Variants in IPO5 observed in about 807,000 individuals in gnomAD.
The protein encoded by IPO5 is importin 5, also known as importin-5.
Under a neutral mutation model 143.3 loss-of-function variants are expected in IPO5, and 18 were observed. The ratio of observed to expected loss-of-function variants is 0.13; its 90% CI spans 0.09 to 0.19. The LOEUF is 0.19. IPO5 is among the 10% of genes least tolerant of loss of function. The pLI is 1.00. For missense variants in IPO5, 1,013 were observed against 1,336.9 expected (o/e 0.76, Z 3.78); for synonymous variants, 477 against 465.7 (o/e 1.02, Z -0.31).
In IPO5 at chr13:97,991,006, A is replaced by G. The variant is rs559582712; in HGVS notation, c.669+469A>G. Among the ~76,000 whole-genome samples, 8 of 152,284 alleles carry G rather than the reference A, an allele frequency of 5.3e-5. No homozygotes were observed. The East Asian group carries it at 1.5e-3, about 29-fold the overall frequency. On this transcript the variant is annotated intron_variant, in intron 9 of 28. Transcript: ENST00000651721. ...TAATCAGAAAGCAAAATAAGATGAGACAAGATAGAGCATATATTCAGGGCA... is the reference window on the plus strand; with the variant it reads ...TAATCAGAAAGCAAAATAAGATGAGGCAAGATAGAGCATATATTCAGGGCA...
At chr13:98,005,482 C>T (rs1212936173) in intron 16 of IPO5, among the ~76,000 whole-genome samples, 1 of 151,926 alleles carries the variant, frequency 6.6e-6, no homozygotes, top group Non-Finnish European at 1.5e-5. Flanking sequence ...CCTGCCTCAG[C>T]CTCCCAGAGT....
Position 97,976,686 on chromosome 13 carries a change from C to T in IPO5, c.-4-7C>T, listed in dbSNP as rs1389225345. The T allele has an allele frequency of 1.5e-6, 2 of 1,348,830 alleles. No homozygotes were observed. Among genetic ancestry groups the T allele is most frequent in the Admixed American group, 2.3e-5 (1 of 44,298 alleles). The allele number at this position is 1,348,830 out of a possible 1,614,324, so 83.6% of individuals were successfully genotyped here. A position where few individuals can be genotyped will look rare whatever the true frequency, so the allele number is the denominator to read the frequency against. On this transcript the variant is annotated splice_region_variant and splice_polypyrimidine_tract_variant and intron_variant, in intron 3 of 28. Transcript: ENST00000651721. ...GTCTCCCCTCCCTCCTTCTCTCTCA[C>T]GCCTAGCGCAATGGCGGCGGCCGCG...
chr13:97,988,918 A>G, intron 6 of IPO5, 144 bp from the exon 7 acceptor site: 1 of 523,518 alleles, frequency 1.9e-6, no homozygotes, highest in Non-Finnish European at 3.4e-6. Flanking sequence ...AAAGGACAGA[A>G]TTTTGTGGAG....
intron 2 of IPO5, among the ~76,000 whole-genome samples, chr13:97,964,904 C>A (rs1459116197): frequency 6.6e-6 from 1 of 152,122 alleles, no homozygotes; most frequent in Non-Finnish European, 1.5e-5. Flanking sequence ...ATGTTTATTG[C>A]AGCACTATTT....
intron 3 of IPO5, among the ~76,000 whole-genome samples, chr13:97,971,615 G>A (rs574100292): frequency 1.3e-5 from 2 of 152,222 alleles, no homozygotes; most frequent in African/African-American, 4.8e-5. Flanking sequence ...ACACAAATGT[G>A]ATGCACATGA....
intron 12 of IPO5, among the ~76,000 whole-genome samples, chr13:97,998,056 A>C (rs1201512708): frequency 1.3e-5 from 2 of 152,236 alleles, no homozygotes; most frequent in Admixed American, 6.5e-5. Flanking sequence ...GCTCACCGCA[A>C]GCTCCGCCTC....
rs1234384302 is a variant in IPO5 at position 97,969,175 on chromosome 13, A to ATATATATAT, written c.-112-547_-112-546insATATATATT. Among the ~76,000 whole-genome samples the ATATATATAT allele has an allele frequency of 2.7e-3, 117 of 43,922 alleles. 2 individuals carry two copies. Among genetic ancestry groups the ATATATATAT allele is most frequent in the Non-Finnish European group, 3.7e-3 (93 of 25,122 alleles). 28.8% of individuals were successfully genotyped at this position (43,922 alleles called of 152,430 possible). A position where few individuals can be genotyped will look rare whatever the true frequency, so the allele number is the denominator to read the frequency against. ...TAAGTATATATATATATATATATAT[A>ATATATATAT]TTTTTTTTTTTTTTTTTTTTTTTTG... is the stretch of plus-strand genomic sequence containing the variant. On this transcript the variant is annotated intron_variant, in intron 2 of 28. Coordinates refer to ENST00000651721, the MANE Select transcript of IPO5 (RefSeq NM_002271.6).
At chr13:97,955,399 G>A (rs1884388608) in intron 2 of IPO5, among the ~76,000 whole-genome samples, 1 of 152,184 alleles carries the variant, frequency 6.6e-6, no homozygotes, top group African/African-American at 2.4e-5. Context: ...CAAACCAGAT[G>A]ATGAGAGCAG....
At position 98,022,539 on chromosome 13, in the gene IPO5, A is replaced by G. The variant is rs1890558842; in HGVS notation, c.*717A>G. ...GGCTTGGATTCATTTCATGTTTTTA[A>G]TATAAGAATGATCTAATATTTTTTT... On this transcript the variant is annotated 3_prime_UTR_variant, in exon 29 of 29. Coordinates refer to ENST00000651721, the MANE Select transcript of IPO5 (RefSeq NM_002271.6). 1 of 152,464 alleles carries G rather than the reference A, an allele frequency of 6.6e-6. No individual in the cohort carries two copies. The highest frequency in any genetic ancestry group is 1.5e-5 in the Non-Finnish European group (1 of 68,032). 9.4% of individuals were successfully genotyped at this position (152,464 alleles called of 1,614,324 possible).
chr13:97,975,961 T>A (rs1566470421), intron 3 of IPO5: 2 of 984,420 alleles, frequency 2.0e-6, no homozygotes, highest in Non-Finnish European at 2.4e-6. Context: ...CTGGGGGAGG[T>A]CGGAGGGTCT....
rs868319883 is a variant in IPO5 at position 97,975,253 on chromosome 13, G to A, written c.-4-1440G>A. ...TGGGAGGCCGAGGCGGGGGGAGGGC[G>A]GGGGGGGCTGGTATCGCCTGAGGTC... is the stretch of plus-strand genomic sequence containing the variant. On this transcript the variant is annotated intron_variant, in intron 3 of 28. Coordinates refer to ENST00000651721, the MANE Select transcript of IPO5 (RefSeq NM_002271.6). Among the ~76,000 whole-genome samples, 117 of 120,012 alleles carry A rather than the reference G, an allele frequency of 9.7e-4. 4 individuals carry two copies. The South Asian group carries it at 0.033, about 34-fold the overall frequency. 78.7% of individuals were successfully genotyped at this position (120,012 alleles called of 152,430 possible).
chr13:97,964,471 T>C (rs1340358012), intron 2 of IPO5, among the ~76,000 whole-genome samples: 1 of 133,834 alleles, frequency 7.5e-6, no homozygotes, highest in Non-Finnish European at 1.6e-5. Flanking sequence ...TTTTGGAGAA[T>C]GAGTCTCGCT....
intron 16 of IPO5, among the ~76,000 whole-genome samples, chr13:98,005,000 A>G (rs906261587): frequency 9.2e-5 from 14 of 152,158 alleles, no homozygotes; most frequent in African/African-American, 2.9e-4. Context: ...GGTTCAAGCC[A>G]TTCTCCTGCC....
chr13:97,982,477 C>G (rs1886931333), intron 4 of IPO5, 26 bp from the exon 5 acceptor site: 1 of 1,503,976 alleles, frequency 6.6e-7, no homozygotes, highest in South Asian at 1.2e-5. Context: ...ACATTCTTTC[C>G]TAACCATTTT....
intron 12 of IPO5, among the ~76,000 whole-genome samples, chr13:97,999,899 C>T (rs1660797013): frequency 6.6e-6 from 1 of 152,162 alleles, no homozygotes; most frequent in Non-Finnish European, 1.5e-5. Context: ...ACATGAGGCT[C>T]TTTCAATACT....
chr13:97,976,578 C>T (rs1314899781), intron 3 of IPO5, 115 bp from the exon 4 acceptor site: 1 of 209,060 alleles, frequency 4.8e-6, no homozygotes, highest in African/African-American at 2.4e-5. Context: ...CCCCCGCAAG[C>T]CCCGCGCCGC....
chr13:97,968,109 C>T (rs1490792988), intron 2 of IPO5, among the ~76,000 whole-genome samples: 1 of 152,176 alleles, frequency 6.6e-6, no homozygotes, highest in Non-Finnish European at 1.5e-5. Context: ...AGACATGAGG[C>T]ACCGTGCCAA....
chr13:98,011,006 C>G (rs1167528596), intron 20 of IPO5, among the ~76,000 whole-genome samples: 2 of 151,790 alleles, frequency 1.3e-5, no homozygotes, highest in Non-Finnish European at 2.9e-5. Context: ...GTTTCCAACT[C>G]CTGACCTCAG....
chr13:98,018,673 C>T lies in IPO5; in HGVS notation c.2805C>T (p.Tyr935=), dbSNP rs182104719. The change falls in exon 26 of 29, where the codon TAC becomes TAT. Residue 935 remains tyrosine, a synonymous_variant. Transcript: ENST00000651721. ...AAYGLGVMAQ[Y]GGDNYRPFCT... Reference sequence around the variant, plus strand: ...ATGGCCTGGGAGTCATGGCACAGTACGGTGGAGATAATTATCGCCCTTTTT... The same window carrying T: ...ATGGCCTGGGAGTCATGGCACAGTATGGTGGAGATAATTATCGCCCTTTTT... 1.4e-5 allele frequency: 22 copies of T among 1,614,120 alleles called. No individual in the cohort carries two copies. The East Asian group carries it at 2.5e-4, about 18-fold the overall frequency.
Sources: gnomAD v4.1 joint callset for allele counts (sites outside exome capture counted in the v4.1 genomes callset) on GRCh38, gnomAD v4.1.1 for gene constraint, MANE v1.5 for transcripts, NCBI Gene and HGNC (gene_info 2026-07-23, HGNC 2026-07-21) for gene names.